Variants in FZD6 observed in about 807,000 individuals in gnomAD.
FZD6 encodes the protein frizzled class receptor 6, also known as frizzled-6.
FZD6 carries 49 observed loss-of-function variants against 61.4 expected under a neutral mutation model. That is an observed-to-expected ratio of 0.80 (90% CI 0.63 to 1.01). FZD6 has a LOEUF of 1.01. Ranked by LOEUF, FZD6 falls within the 50% of genes least tolerant of loss-of-function variation. The pLI is 0.00. For synonymous variants in FZD6, 265 were observed against 292.2 expected, an observed-to-expected ratio of 0.91 and a Z score of 0.95; for missense variants, 724 against 848.2, an observed-to-expected ratio of 0.85 and a Z score of 1.82.
chr8:103,325,597 G>T, intron 4 of FZD6, 99 bp downstream of exon 4: 2 of 1,010,014 alleles, frequency 2.0e-6, no homozygotes, highest in South Asian at 2.6e-5. Context: ...GATTTCAGGT[G>T]AGAAAATACA....
chr8:103,302,172 G>A (rs2130261086), intron 2 of FZD6, among the ~76,000 whole-genome samples: 1 of 152,176 alleles, frequency 6.6e-6, no homozygotes, highest in East Asian at 1.9e-4. Context: ...CAAAAATAAT[G>A]TCACCCTGGC....
At chr8:103,308,867 G>A (rs974368305) in intron 2 of FZD6, among the ~76,000 whole-genome samples, 8 of 152,126 alleles carry the variant, frequency 5.3e-5, no homozygotes, top group Admixed American at 2.6e-4. Context: ...CAAAAGCCAA[G>A]GTCCCTTTTA....
At chr8:103,300,358 T>C in intron 2 of FZD6, 74 bp downstream of exon 2, 1 of 1,115,966 alleles carries the variant, frequency 9.0e-7, no homozygotes, top group Non-Finnish European at 1.4e-6. Flanking sequence ...AAAATAAGTC[T>C]ATTTTTAAAC....
Position 103,324,901 on chromosome 8 carries a change from G to T in FZD6, c.795G>T (p.Glu265Asp), listed in dbSNP as rs1448517780. 1.9e-6 allele frequency: 3 copies of T among 1,613,942 alleles called. No individual in the cohort carries two copies. The highest frequency in any genetic ancestry group is 2.5e-6 in the Non-Finnish European group (3 of 1,179,950). ...GDSTACNKADEKLELGDTVVL... is the reference protein window; with the variant it reads ...GDSTACNKADDKLELGDTVVL... The stretch of plus-strand genomic sequence containing the variant: ...GCACAGCCTGCAATAAGGCAGATGA[G>T]AAGCTAGAACTTGGTGACACTGTTG... Residue 265 changes from glutamate to aspartate, a missense_variant, in exon 4 of 7, where the codon GAG (glutamate) becomes GAT (aspartate). Transcript: ENST00000358755.
chr8:103,305,959 A>G (rs903926540), intron 2 of FZD6, among the ~76,000 whole-genome samples: 5 of 152,166 alleles, frequency 3.3e-5, no homozygotes, highest in African/African-American at 1.2e-4. Flanking sequence ...TTATTACTCT[A>G]GGTTATATAT....
At chr8:103,320,601 TA>T (rs1264162614) in intron 3 of FZD6, among the ~76,000 whole-genome samples, 1 of 147,032 alleles carries the variant, frequency 6.8e-6, no homozygotes, top group Non-Finnish European at 1.5e-5. Flanking sequence ...GTTTTTTTTT[TA>T]AAGGCATAAT....
rs781037603 is a variant in FZD6 at position 103,326,694 on chromosome 8, CA to C, written c.1392+1205del. ...AAATTTTTTTAAAGATTCTGCGTGA[CA>C]AAAAAAAACAAACAAACAATCCATA... On this transcript the variant is annotated intron_variant, in intron 4 of 6. Transcript: ENST00000358755. Among the ~76,000 whole-genome samples the C allele has an allele frequency of 4.7e-4, 43 of 91,268 alleles. 1 individual carries two copies. The highest frequency in any genetic ancestry group is 1.5e-3 in the African/African-American group (35 of 22,930). The allele number at this position is 91,268 out of a possible 152,430, so 59.9% of individuals were successfully genotyped here. A position where few individuals can be genotyped will look rare whatever the true frequency, so the allele number is the denominator to read the frequency against.
At chr8:103,298,802 C>T (rs1250090095), upstream of FZD6, 2 of 165,046 alleles carry the variant, frequency 1.2e-5, no homozygotes, top group Non-Finnish European at 2.5e-5. Flanking sequence ...CCGCCGCCGC[C>T]GCCGCCGCGA....
intron 2 of FZD6, among the ~76,000 whole-genome samples, chr8:103,310,442 T>C (rs1814462929): frequency 6.6e-6 from 1 of 152,124 alleles, no homozygotes; most frequent in Non-Finnish European, 1.5e-5. Flanking sequence ...CTGCTATTTT[T>C]TTTTAAGAGA....
chr8:103,301,563 A>G (rs978334475), intron 2 of FZD6, among the ~76,000 whole-genome samples: 1 of 152,240 alleles, frequency 6.6e-6, no homozygotes, highest in African/African-American at 2.4e-5. Flanking sequence ...AACTACATAC[A>G]TTTTAAGGTT....
At chr8:103,306,192 T>C (rs1368739650) in intron 2 of FZD6, among the ~76,000 whole-genome samples, 2 of 152,244 alleles carry the variant, frequency 1.3e-5, no homozygotes, top group African/African-American at 4.8e-5. Flanking sequence ...CAAGAAATAG[T>C]TTAAAAATAA....
At chr8:103,323,994 A>C (rs1814865577) in intron 3 of FZD6, among the ~76,000 whole-genome samples, 1 of 152,178 alleles carries the variant, frequency 6.6e-6, no homozygotes, top group Admixed American at 6.6e-5. Context: ...CATTTCATTC[A>C]TTTTAATTAT....
chr8:103,328,421 G>A lies in FZD6; in HGVS notation c.1541+5G>A, dbSNP rs755791556. The A allele has an allele frequency of 5.0e-6, 8 of 1,602,208 alleles. No individual in the cohort carries two copies. In the Admixed American group the frequency reaches 5.0e-5, roughly 10 times the overall value. On this transcript the variant is annotated splice_donor_5th_base_variant and intron_variant, in intron 5 of 6. Coordinates refer to ENST00000358755, the MANE Select transcript of FZD6 (RefSeq NM_003506.4). ...TAAACGAAATCGCAAGAGAGAGTAA[G>A]AAACTATTGAATTGTCTGACACAAT...
At chr8:103,310,188 G>T (rs1206508345) in intron 2 of FZD6, among the ~76,000 whole-genome samples, 2 of 152,148 alleles carry the variant, frequency 1.3e-5, no homozygotes, top group Non-Finnish European at 2.9e-5. Flanking sequence ...ACATTAAACT[G>T]ATATAATTTA....
At chr8:103,322,520 A>G (rs1814821133) in intron 3 of FZD6, among the ~76,000 whole-genome samples, 3 of 152,230 alleles carry the variant, frequency 2.0e-5, no homozygotes, top group African/African-American at 7.2e-5. Flanking sequence ...GGAGAAAGTA[A>G]GATTTTAAGC....
chr8:103,329,788 G>A lies in FZD6; in HGVS notation c.1675G>A (p.Gly559Arg). 4 of 1,614,100 alleles carry A rather than the reference G, an allele frequency of 2.5e-6. No individual in the cohort carries two copies. The highest frequency in any genetic ancestry group is 3.4e-6 in the Non-Finnish European group (4 of 1,179,972). The change falls in exon 6 of 7, where the codon GGA becomes AGA. Residue 559 changes from glycine to arginine, a missense_variant. Physicochemically the swap from Gly to Arg is moderately radical, Grantham distance 125 (BLOSUM62 -2). Coordinates refer to ENST00000358755, the MANE Select transcript of FZD6 (RefSeq NM_003506.4). ...HKLKVISKSM[G>R]TSTGATANHG... ...GCTGAAGGTCATTTCCAAATCCATG[G>A]GAACCAGCACAGGAGCTACAGCAAA...
At chr8:103,323,139 T>C (rs1260038986) in intron 3 of FZD6, among the ~76,000 whole-genome samples, 1 of 152,160 alleles carries the variant, frequency 6.6e-6, no homozygotes, top group Non-Finnish European at 1.5e-5. Context: ...CTTTATAAGG[T>C]TATAGTTAGT....
At chr8:103,311,669 G>A (rs954264600) in intron 2 of FZD6, among the ~76,000 whole-genome samples, 139 of 122,708 alleles carry the variant, frequency 1.1e-3, no homozygotes, top group Non-Finnish European at 2.0e-3. Context: ...CACAGAGTGA[G>A]AACCTGTCTC....
intron 2 of FZD6, among the ~76,000 whole-genome samples, chr8:103,300,793 C>T (rs1389933903): frequency 6.6e-6 from 1 of 152,040 alleles, no homozygotes; most frequent in Admixed American, 6.6e-5. Context: ...TAAAAAGTGA[C>T]TTTGTTTTCT....
Sources: gnomAD v4.1 joint callset for allele counts (sites outside exome capture counted in the v4.1 genomes callset) on GRCh38, gnomAD v4.1.1 for gene constraint, MANE v1.5 for transcripts, NCBI Gene and HGNC (gene_info 2026-07-23, HGNC 2026-07-21) for gene names.